Variants in WIPF3 observed in about 807,000 individuals in gnomAD.
WIPF3 encodes WAS/WASL interacting protein family member 3, also known as WAS/WASL-interacting protein family member 3.
A neutral mutation model predicts 38.9 loss-of-function variants in WIPF3; 33 were observed. The observed-to-expected ratio is 0.85, with a 90% CI of 0.64 to 1.14. The LOEUF (loss-of-function observed/expected upper bound fraction) is 1.14. WIPF3 is among the 50% of genes most tolerant of loss of function. The pLI is 0.00. For synonymous variants in WIPF3, 324 were observed against 269.3 expected, an observed-to-expected ratio of 1.20 and a Z score of -1.99; for missense variants, 711 against 652.5, an observed-to-expected ratio of 1.09 and a Z score of -0.98.
At chr7:29,913,872 G>A (rs953240632) in intron 8 of WIPF3, among the ~76,000 whole-genome samples, 2 of 152,190 alleles carry the variant, frequency 1.3e-5, no homozygotes, top group Admixed American at 1.3e-4. Context: ...CCTCACGGCA[G>A]GCATGCACCC....
Position 29,878,990 on chromosome 7 carries a change from T to A in WIPF3, c.224-19T>A. On this transcript the variant is annotated intron_variant, in intron 3 of 8. Coordinates refer to ENST00000242140, the MANE Select transcript of WIPF3 (RefSeq NM_001080529.3). The surrounding 1 kb of genome is among the most constrained non-coding windows in gnomAD (Gnocchi z 4.0). Reference sequence around the variant, plus strand: ...GCTCTGCTCTCAAGTCCTTGCCTATTTGTGTCTTCTCTCTAAAGGTTCTAA... The same window carrying A: ...GCTCTGCTCTCAAGTCCTTGCCTATATGTGTCTTCTCTCTAAAGGTTCTAA... The A allele has an allele frequency of 6.3e-7, 1 of 1,581,838 alleles. No individual in the cohort carries two copies. The highest frequency in any genetic ancestry group is 8.6e-7 in the Non-Finnish European group (1 of 1,159,448).
At chr7:29,904,620 C>A in intron 8 of WIPF3, 5 of 429,892 alleles carry the variant, frequency 1.2e-5, no homozygotes, top group South Asian at 3.6e-5. Context: ...TGACATTCTG[C>A]AACAATCATG....
chr7:29,836,967 G>C (rs1784814057), intron 2 of WIPF3, among the ~76,000 whole-genome samples: 1 of 150,650 alleles, frequency 6.6e-6, no homozygotes, highest in Admixed American at 6.6e-5. Context: ...CTCCAGCCTG[G>C]GTGACAGAGT....
rs1024356344 is a variant in WIPF3, at chr7:29,846,852, C to T, written c.90+12038C>T. Among the ~76,000 whole-genome samples, 20 of 152,186 alleles carry T rather than the reference C, an allele frequency of 1.3e-4. 1 individual carries two copies. The highest frequency in any genetic ancestry group is 4.3e-4 in the African/African-American group (18 of 41,450). On this transcript the variant is annotated intron_variant, in intron 2 of 8. Coordinates refer to ENST00000242140, the MANE Select transcript of WIPF3 (RefSeq NM_001080529.3). ...GCAGCCTGGTGTATTAAAAACAAAA[C>T]GTGGATTCTAGAGTCATACACCTTG...
chr7:29,840,810 G>A (rs1445595115), intron 2 of WIPF3, among the ~76,000 whole-genome samples: 2 of 152,148 alleles, frequency 1.3e-5, no homozygotes, highest in Non-Finnish European at 2.9e-5. Context: ...GTGGGGGTCA[G>A]TGAATATACT....
chr7:29,851,779 C>T (rs1583603139), intron 2 of WIPF3, among the ~76,000 whole-genome samples: 1 of 152,214 alleles, frequency 6.6e-6, no homozygotes, highest in Non-Finnish European at 1.5e-5. Context: ...TTCACATCTG[C>T]CTCATCAGTG....
intron 1 of WIPF3, among the ~76,000 whole-genome samples, chr7:29,807,422 C>T (rs75670879): frequency 0.11 from 16,065 of 152,242 alleles, 1,117 homozygotes; most frequent in Non-Finnish European, 0.16. Context: ...AGATTTCCCC[C>T]AGCCCCTGAC....
intron 1 of WIPF3, among the ~76,000 whole-genome samples, chr7:29,821,934 T>C (rs1414013828): frequency 6.6e-6 from 1 of 152,146 alleles, no homozygotes; most frequent in Non-Finnish European, 1.5e-5. Context: ...TTTTGCTAGA[T>C]ATTCTCAGAG....
At chr7:29,846,443 G>A (rs1363466766) in intron 2 of WIPF3, among the ~76,000 whole-genome samples, 3 of 152,242 alleles carry the variant, frequency 2.0e-5, no homozygotes, top group African/African-American at 7.2e-5. Flanking sequence ...GCTCATGCCT[G>A]TAATCCCAAC....
At chr7:29,855,577 TC>T (rs1324413649) in intron 2 of WIPF3, among the ~76,000 whole-genome samples, 7 of 152,202 alleles carry the variant, frequency 4.6e-5, no homozygotes, top group Non-Finnish European at 1.5e-5. Flanking sequence ...AGCTGTTGGC[TC>T]CCTTTTGGGG....
At chr7:29,836,871 T>A (rs965130997) in intron 2 of WIPF3, among the ~76,000 whole-genome samples, 1 of 152,066 alleles carries the variant, frequency 6.6e-6, no homozygotes, top group Non-Finnish European at 1.5e-5. Context: ...GTGCCTGTAA[T>A]CCCAGCTACT....
intron 1 of WIPF3, among the ~76,000 whole-genome samples, chr7:29,820,342 T>G (rs1334264840): frequency 6.6e-6 from 1 of 152,134 alleles, no homozygotes; most frequent in Non-Finnish European, 1.5e-5. Context: ...ATAGTTGAAT[T>G]TGGTCCAGTT....
intron 1 of WIPF3, among the ~76,000 whole-genome samples, chr7:29,834,433 A>G (rs1257140494): frequency 6.6e-6 from 1 of 152,094 alleles, no homozygotes; most frequent in Non-Finnish European, 1.5e-5. Context: ...GCTAAATTCT[A>G]TCAGTTTTAA....
intron 2 of WIPF3, among the ~76,000 whole-genome samples, chr7:29,842,329 A>G (rs941751209): frequency 1.3e-5 from 2 of 152,248 alleles, no homozygotes; most frequent in African/African-American, 4.8e-5. Flanking sequence ...TGGCTTGATA[A>G]TCACTTTTTA....
Position 29,852,373 on chromosome 7 carries a change from G to T in WIPF3, c.90+17559G>T, listed in dbSNP as rs540596895. Among the ~76,000 whole-genome samples, 11 of 152,336 alleles carry T rather than the reference G, an allele frequency of 7.2e-5. No homozygotes were observed. The South Asian group carries it at 2.3e-3, about 32-fold the overall frequency. Reference sequence around the variant, plus strand: ...GAGAGGCTGGCCAAAAGTAGAAGGTGCCATGACCATACCACATCAGCTTCC... The same window carrying T: ...GAGAGGCTGGCCAAAAGTAGAAGGTTCCATGACCATACCACATCAGCTTCC... On this transcript the variant is annotated intron_variant, in intron 2 of 8. Transcript: ENST00000242140.
At position 29,823,186 on chromosome 7, in the gene WIPF3, G is replaced by A. The variant is rs1337088166; in HGVS notation, c.-57-11482G>A. On this transcript the variant is annotated intron_variant, in intron 1 of 8. Transcript: ENST00000242140. The surrounding 1 kb of genome is among the most constrained non-coding windows in gnomAD (Gnocchi z 4.0). ...AAACCAGTTTTCCCAGCTATTAAATGATTTCTCTTTGATTGCCTTGCTTTT... is the reference window on the plus strand; with the variant it reads ...AAACCAGTTTTCCCAGCTATTAAATAATTTCTCTTTGATTGCCTTGCTTTT... Among the ~76,000 whole-genome samples, 6 of 152,190 alleles carry A rather than the reference G, an allele frequency of 3.9e-5. No homozygotes were observed. The highest frequency in any genetic ancestry group is 7.3e-5 in the Non-Finnish European group (5 of 68,030).
intron 2 of WIPF3, among the ~76,000 whole-genome samples, chr7:29,837,578 C>G (rs1784826266): frequency 6.6e-6 from 1 of 152,274 alleles, no homozygotes; most frequent in South Asian, 2.1e-4. Context: ...TCATTTCTCT[C>G]TCTCTTTCTC....
intron 1 of WIPF3, 59 bp from the exon 2 acceptor site, chr7:29,834,609 A>G (rs941171212): frequency 6.7e-6 from 9 of 1,337,978 alleles, no homozygotes; most frequent in African/African-American, 4.6e-5. Flanking sequence ...CAAGATACAC[A>G]TTTCCTGCAT....
chr7:29,829,574 C>A (rs1356055252), intron 1 of WIPF3, among the ~76,000 whole-genome samples: 6 of 152,164 alleles, frequency 3.9e-5, no homozygotes, highest in Admixed American at 2.6e-4. Context: ...GTCACTTCCA[C>A]GTATGTGTCA....
Sources: allele counts gnomAD v4.1 joint callset (sites outside exome capture counted in the v4.1 genomes callset), GRCh38; gene constraint gnomAD v4.1.1; non-coding constraint Gnocchi (gnomAD v3.1); transcripts MANE v1.5; gene names NCBI Gene and HGNC (gene_info 2026-07-23, HGNC 2026-07-21).